The following ACVRL1 variants were observed in gnomAD, a reference collection of about 807,000 sequenced individuals.
The protein encoded by ACVRL1 is activin A receptor like type 1.
Under a neutral mutation model 51.9 loss-of-function variants are expected in ACVRL1, and 20 were observed. That is an observed-to-expected ratio of 0.39 (90% CI 0.27 to 0.56). The LOEUF is 0.56. ACVRL1 is among the 20% of genes least tolerant of loss of function. ACVRL1 has a pLI of 0.67. For missense variants in ACVRL1, 451 were observed against 670.3 expected (o/e 0.67, Z 3.61); for synonymous variants, 288 against 280.9 (o/e 1.03, Z -0.25).
At chr12:51,913,842 C>A (rs1053046773) in intron 4 of ACVRL1, 72 bp downstream of exon 4, 2 of 1,588,024 alleles carry the variant, frequency 1.3e-6, no homozygotes, top group Non-Finnish European at 8.6e-7. Flanking sequence ...GAGGGGTCAC[C>A]CAGAGATTAG....
In ACVRL1 at chr12:51,922,544, T is replaced by C. The variant is rs1434183667; in HGVS notation, c.*1651T>C. ...GGCTCTAGAGAGACACACAGAAAGT[T>C]TGGCATTTGGAAATTTCAAGGATGT... On this transcript the variant is annotated 3_prime_UTR_variant, in exon 10 of 10. Transcript: ENST00000388922. 6.6e-6 allele frequency: 1 copy of C among 152,236 alleles called. No homozygotes were observed. Among genetic ancestry groups the C allele is most frequent in the Non-Finnish European group, 1.5e-5 (1 of 68,070 alleles). 9.4% of individuals were successfully genotyped at this position (152,236 alleles called of 1,614,324 possible). A position where few individuals can be genotyped will look rare whatever the true frequency, so the allele number is the denominator to read the frequency against.
rs1156283114 is a variant in ACVRL1, at chr12:51,920,901, G to A, written c.*8G>A. The A allele has an allele frequency of 3.4e-6, 4 of 1,169,080 alleles. No homozygotes were observed. The highest frequency in any genetic ancestry group is 4.7e-6 in the Non-Finnish European group (4 of 848,738). 72.4% of individuals were successfully genotyped at this position (1,169,080 alleles called of 1,614,324 possible). A position where few individuals can be genotyped will look rare whatever the true frequency, so the allele number is the denominator to read the frequency against. On this transcript the variant is annotated 3_prime_UTR_variant, in exon 10 of 10. Coordinates refer to ENST00000388922, the MANE Select transcript of ACVRL1 (RefSeq NM_000020.3). ...CCTAAAGTGATTCAATAGCCCAGGAGCACCTGATTCCTTTCTGCCTGCAGG... is the reference window on the plus strand; with the variant it reads ...CCTAAAGTGATTCAATAGCCCAGGAACACCTGATTCCTTTCTGCCTGCAGG...
intron 5 of ACVRL1, 147 bp downstream of exon 5, chr12:51,914,220 G>C: frequency 8.4e-7 from 1 of 1,186,368 alleles, no homozygotes; most frequent in Admixed American, 2.0e-5. Flanking sequence ...GGCTGGAGAC[G>C]GGCCAGGGCT....
chr12:51,922,821 T>C lies in ACVRL1; in HGVS notation c.*1928T>C, dbSNP rs1941014675. The C allele has an allele frequency of 6.6e-6, 1 of 152,628 alleles. No individual in the cohort carries two copies. The highest frequency in any genetic ancestry group is 2.1e-4 in the South Asian group (1 of 4,830). The allele number at this position is 152,628 out of a possible 1,614,324, so 9.5% of individuals were successfully genotyped here. ...GTAGCCTCCCCAGGCCGGCATCTTA[T>C]GTGTGTCTTCCACCATCCTCATGGT... On this transcript the variant is annotated 3_prime_UTR_variant, in exon 10 of 10. Transcript: ENST00000388922.
rs202089535 is a variant in ACVRL1 at position 51,920,505 on chromosome 12, AT to A, written c.1378-248del. Among the ~76,000 whole-genome samples, 2,010 of 151,626 alleles carry A rather than the reference AT, an allele frequency of 0.013. 24 individuals are homozygous for A. The highest frequency in any genetic ancestry group is 0.031 in the Middle Eastern group (9 of 294). On this transcript the variant is annotated intron_variant, in intron 9 of 9. Transcript: ENST00000388922. ...TCTCACTCTACTCTCTTCCTCTTCC[AT>A]TTTTTATTTTTTTGTCATCCTCTGT...
intron 8 of ACVRL1, 62 bp from the exon 9 acceptor site, chr12:51,918,923 C>T (rs1940904081): frequency 1.2e-6 from 2 of 1,613,788 alleles, no homozygotes; most frequent in Admixed American, 3.3e-5. Flanking sequence ...AGGCTCTCCT[C>T]TGGGTGGTAT....
rs376537508 is a variant in ACVRL1, at chr12:51,913,141, C to T, written c.104C>T (p.Thr35Met). The T allele has an allele frequency of 2.7e-5, 43 of 1,606,834 alleles. No homozygotes were observed. The highest frequency in any genetic ancestry group is 8.9e-5 in the East Asian group (4 of 44,744). Residue 35 changes from threonine (T) to methionine (M), a missense_variant, in exon 3 of 10, where the codon ACG (threonine) becomes ATG (methionine). By Grantham distance (81) the Thr-to-Met change is moderately conservative (BLOSUM62 -1). Coordinates refer to ENST00000388922, the MANE Select transcript of ACVRL1 (RefSeq NM_000020.3). ...KPSRGPLVTC[T>M]CESPHCKGPT... Reference sequence around the variant, plus strand: ...TCTCGGGGCCCGCTGGTGACCTGCACGTGTGAGAGCCCACATTGCAAGGGG... The same window carrying T: ...TCTCGGGGCCCGCTGGTGACCTGCATGTGTGAGAGCCCACATTGCAAGGGG...
chr12:51,920,711 ATCTC>A, intron 9 of ACVRL1, 44 bp from the exon 10 acceptor site: 1 of 1,602,600 alleles, frequency 6.2e-7, no homozygotes, highest in Non-Finnish European at 8.5e-7. Flanking sequence ...TCTTCTCTGC[ATCTC>A]TCTCTCTGCC....
At chr12:51,916,329 G>GACTGCAAACCTCC in intron 8 of ACVRL1, 96 bp downstream of exon 8, 1 of 1,384,734 alleles carries the variant, frequency 7.2e-7, no homozygotes, top group Non-Finnish European at 9.9e-7. Flanking sequence ...TGGGAGGTTT[G>GACTGCAAACCTCC]CAGTCAGACC....
intron 5 of ACVRL1, 50 bp from the exon 6 acceptor site, chr12:51,914,389 G>C: frequency 6.2e-7 from 1 of 1,613,242 alleles, no homozygotes; most frequent in Middle Eastern, 1.7e-4. Flanking sequence ...GGCTCTTCCA[G>C]GGCTCTGTGT....
chr12:51,912,586 C>T (rs1253085950), intron 2 of ACVRL1, 51 bp downstream of exon 2: 5 of 1,473,670 alleles, frequency 3.4e-6, no homozygotes, highest in Non-Finnish European at 4.7e-6. Context: ...ACAGAAAGGG[C>T]TATCTGGGCC....
chr12:51,910,516 TAGA>T (rs1463333565), intron 1 of ACVRL1, among the ~76,000 whole-genome samples: 1 of 152,130 alleles, frequency 6.6e-6, no homozygotes, highest in Non-Finnish European at 1.5e-5. Context: ...CGTGATAAAG[TAGA>T]AGGAGGGTGG....
At position 51,921,255 on chromosome 12, in the gene ACVRL1, C is replaced by T. The variant is rs769379109; in HGVS notation, c.*362C>T. ...TCAGAGCCCGGGCCTGCACTTTGCCCCCTGCCCTTGATCAACCCCACTGCC... is the reference window on the plus strand; with the variant it reads ...TCAGAGCCCGGGCCTGCACTTTGCCTCCTGCCCTTGATCAACCCCACTGCC... On this transcript the variant is annotated 3_prime_UTR_variant, in exon 10 of 10. Coordinates refer to ENST00000388922, the MANE Select transcript of ACVRL1 (RefSeq NM_000020.3). 1.1e-5 allele frequency: 4 copies of T among 353,680 alleles called. No homozygotes were observed. Among genetic ancestry groups the T allele is most frequent in the Non-Finnish European group, 2.2e-5 (4 of 180,870 alleles). 21.9% of individuals were successfully genotyped at this position (353,680 alleles called of 1,614,324 possible).
rs151169686 is a variant in ACVRL1, at chr12:51,914,609, C to T, written c.772+24C>T. ...AGGCAAGGGGAGAGGCCAGCTGTGC[C>T]AGGCCTGGGGCTTTGCCCCCCTGCA... On this transcript the variant is annotated intron_variant, in intron 6 of 9. Transcript: ENST00000388922. 1,279 of 1,603,204 alleles carry T rather than the reference C, an allele frequency of 8.0e-4. 11 individuals carry two copies. In the African/African-American group the frequency reaches 0.015, roughly 18 times the overall value.
chr12:51,912,634 GGGAGAATGTA>G, intron 2 of ACVRL1, 99 bp downstream of exon 2: 1 of 1,068,236 alleles, frequency 9.4e-7, no homozygotes, highest in East Asian at 2.5e-5. Flanking sequence ...TGAGAAGCTG[GGGAGAATGTA>G]GGAGCTTGAC....
intron 9 of ACVRL1, among the ~76,000 whole-genome samples, chr12:51,920,312 G>C (rs1019425804): frequency 2.0e-5 from 3 of 152,196 alleles, no homozygotes; most frequent in East Asian, 1.9e-4. Context: ...GCTGTGGATG[G>C]GGATGTGGGA....
chr12:51,915,076 G>C, intron 6 of ACVRL1, 149 bp from the exon 7 acceptor site: 1 of 893,422 alleles, frequency 1.1e-6, no homozygotes. Flanking sequence ...CTCTGTCTCT[G>C]ACCTAAGCCA....
chr12:51,912,919 T>C (rs1940723884), intron 2 of ACVRL1, among the ~76,000 whole-genome samples, 180 bp from the exon 3 acceptor site: 1 of 151,924 alleles, frequency 6.6e-6, no homozygotes, highest in Non-Finnish European at 1.5e-5. Flanking sequence ...TTTCAGAGTG[T>C]CAGCTGCTCT....
At chr12:51,910,565 G>A (rs184557601) in intron 1 of ACVRL1, among the ~76,000 whole-genome samples, 5 of 152,328 alleles carry the variant, frequency 3.3e-5, no homozygotes, top group Admixed American at 2.6e-4. Flanking sequence ...GGTACGGACA[G>A]AGGATCCTAG....
Sources: allele counts gnomAD v4.1 joint callset (sites outside exome capture counted in the v4.1 genomes callset), GRCh38; gene constraint gnomAD v4.1.1; transcripts MANE v1.5; gene names NCBI Gene and HGNC (gene_info 2026-07-23, HGNC 2026-07-21).